MAP3K4: variants seen among roughly 807,000 people sequenced by gnomAD.
MAP3K4 encodes the protein mitogen-activated protein kinase kinase kinase 4, also known as MAP three kinase 1.
Under a neutral mutation model 185.6 loss-of-function variants are expected in MAP3K4, and 67 were observed. That is an observed-to-expected ratio of 0.36 (90% CI 0.30 to 0.44). MAP3K4 has a LOEUF of 0.44. Ranked by LOEUF, MAP3K4 falls within the 20% of genes least tolerant of loss-of-function variation. MAP3K4 has a pLI of 1.00. For missense variants in MAP3K4, 1,551 were observed against 1,995.1 expected, an observed-to-expected ratio of 0.78 and a Z score of 4.24; for synonymous variants, 702 against 710.4, an observed-to-expected ratio of 0.99 and a Z score of 0.19.
intron 1 of MAP3K4, among the ~76,000 whole-genome samples, chr6:161,000,440 C>G (rs74783987): frequency 6.6e-6 from 1 of 152,224 alleles, no homozygotes; most frequent in East Asian, 1.9e-4. Context: ...CATTGTTACC[C>G]GAAGGCAAGA....
intron 1 of MAP3K4, among the ~76,000 whole-genome samples, chr6:161,032,749 T>C (rs1782989060): frequency 1.3e-5 from 2 of 152,216 alleles, no homozygotes; most frequent in African/African-American, 4.8e-5. Context: ...AAGATTACAC[T>C]TTATTGTGTG....
chr6:161,016,330 T>C (rs1292370509), intron 1 of MAP3K4, among the ~76,000 whole-genome samples: 18 of 152,234 alleles, frequency 1.2e-4, no homozygotes, highest in Admixed American at 1.1e-3. Flanking sequence ...TGATTGTGTC[T>C]TTTGCATAAA....
rs927739534 is a variant in MAP3K4 at position 161,008,937 on chromosome 6, C to A, written c.152+16854C>A. Among the ~76,000 whole-genome samples the A allele has an allele frequency of 6.6e-6, 1 of 151,622 alleles. No individual in the cohort carries two copies. Among genetic ancestry groups the A allele is most frequent in the Non-Finnish European group, 1.5e-5 (1 of 67,936 alleles). On this transcript the variant is annotated intron_variant, in intron 1 of 26. Coordinates refer to ENST00000392142, the MANE Select transcript of MAP3K4 (RefSeq NM_005922.4). The surrounding 1 kb of genome is among the most constrained non-coding windows in gnomAD (Gnocchi z 4.1). ...TTGCTCAATGGGTATAATGTTTATACCCATTGTATAAATGTATCATGGCAT... is the reference window on the plus strand; with the variant it reads ...TTGCTCAATGGGTATAATGTTTATAACCATTGTATAAATGTATCATGGCAT...
intron 5 of MAP3K4, among the ~76,000 whole-genome samples, chr6:161,079,599 A>C (rs982498311): frequency 2.6e-5 from 4 of 152,222 alleles, no homozygotes; most frequent in Admixed American, 2.6e-4. Context: ...AAAAAGAAAA[A>C]GACAGATAGT....
rs1678254704 is a variant in MAP3K4 at position 161,110,632 on chromosome 6, T to C, written c.4396+718T>C. Reference sequence around the variant, plus strand: ...CTGAGGCTAACCTAAACACATTAACTTAGGAACCGACCTGACTTCTGACCA... The same window carrying C: ...CTGAGGCTAACCTAAACACATTAACCTAGGAACCGACCTGACTTCTGACCA... On this transcript the variant is annotated intron_variant, in intron 23 of 26. Transcript: ENST00000392142. The surrounding 1 kb of genome is among the most constrained non-coding windows in gnomAD (Gnocchi z 4.8). 6.6e-6 allele frequency among the ~76,000 whole-genome samples: 1 copy of C among 152,170 alleles called. No homozygotes were observed. Among genetic ancestry groups the C allele is most frequent in the African/African-American group, 2.4e-5 (1 of 41,428 alleles).
intron 2 of MAP3K4, among the ~76,000 whole-genome samples, chr6:161,047,722 T>A (rs74781111): frequency 6.6e-6 from 1 of 152,106 alleles, no homozygotes; most frequent in Non-Finnish European, 1.5e-5. Flanking sequence ...AGGGACTAAC[T>A]TAAGGAAGTG....
At chr6:161,102,610 C>A (rs1777884656) in intron 18 of MAP3K4, 89 bp from the exon 19 acceptor site, 2 of 813,652 alleles carry the variant, frequency 2.5e-6, no homozygotes, top group Non-Finnish European at 3.7e-6. Context: ...AAACAGGTTG[C>A]TTTTAACCAT....
At chr6:161,062,721 T>G (rs1337450290) in intron 3 of MAP3K4, among the ~76,000 whole-genome samples, 2 of 152,254 alleles carry the variant, frequency 1.3e-5, no homozygotes, top group Non-Finnish European at 2.9e-5. Flanking sequence ...GATGACAATG[T>G]GATTTTTTGT....
intron 1 of MAP3K4, among the ~76,000 whole-genome samples, chr6:161,010,101 G>T (rs1287743131): frequency 2.0e-5 from 3 of 152,158 alleles, no homozygotes; most frequent in Non-Finnish European, 4.4e-5. Flanking sequence ...ATGTCACTCA[G>T]CTATTTACAT....
chr6:161,097,006 A>G lies in MAP3K4; in HGVS notation c.3428-74A>G. On this transcript the variant is annotated intron_variant, in intron 15 of 26. Transcript: ENST00000392142. The surrounding 1 kb of genome is among the most constrained non-coding windows in gnomAD (Gnocchi z 4.9). The stretch of plus-strand genomic sequence containing the variant: ...CAGAATAAGTGACATTCTATTTTCC[A>G]TTTGACTGTTTGGTTTGATGATTTT... 2 of 1,239,190 alleles carry G rather than the reference A, an allele frequency of 1.6e-6. No homozygotes were observed. The allele number at this position is 1,239,190 out of a possible 1,614,324, so 76.8% of individuals were successfully genotyped here. A position where few individuals can be genotyped will look rare whatever the true frequency, so the allele number is the denominator to read the frequency against.
chr6:161,000,193 C>T (rs911282955), intron 1 of MAP3K4, among the ~76,000 whole-genome samples: 2 of 152,162 alleles, frequency 1.3e-5, no homozygotes, highest in African/African-American at 4.8e-5. Flanking sequence ...TCAAATAATT[C>T]TTATTCTGTT....
At chr6:161,052,677 GAT>G in intron 3 of MAP3K4, among the ~76,000 whole-genome samples, 1 of 152,100 alleles carries the variant, frequency 6.6e-6, no homozygotes, top group Non-Finnish European at 1.5e-5. Flanking sequence ...GGGAAAGTAA[GAT>G]TTTATTTTTA....
At chr6:161,032,580 A>G (rs758578217) in intron 1 of MAP3K4, among the ~76,000 whole-genome samples, 3 of 152,236 alleles carry the variant, frequency 2.0e-5, no homozygotes, top group Non-Finnish European at 2.9e-5. Flanking sequence ...CACCAAGGCT[A>G]TGCTGCTTTT....
chr6:160,995,961 T>TA (rs1780970361), intron 1 of MAP3K4, among the ~76,000 whole-genome samples: 1 of 152,226 alleles, frequency 6.6e-6, no homozygotes, highest in African/African-American at 2.4e-5. Context: ...TAACTTTTTT[T>TA]AAAAAATGAA....
chr6:161,097,701 C>G lies in MAP3K4; in HGVS notation c.3524+525C>G, dbSNP rs540559330. On this transcript the variant is annotated intron_variant, in intron 16 of 26. Transcript: ENST00000392142. This position sits in a 1 kb window ranked among gnomAD's most constrained non-coding sequence, Gnocchi z 4.9. ...TTTCTGCATCTTGAGGTAGTGAGCA[C>G]CTTCTCTCGCCTGTATAATCAGTTT... Among the ~76,000 whole-genome samples, 1 of 152,160 alleles carries G rather than the reference C, an allele frequency of 6.6e-6. No individual in the cohort carries two copies. Among genetic ancestry groups the G allele is most frequent in the Non-Finnish European group, 1.5e-5 (1 of 68,020 alleles).
chr6:161,115,188 A>G lies in MAP3K4; in HGVS notation c.4692A>G (p.Pro1564=). The G allele has an allele frequency of 1.2e-6, 2 of 1,614,176 alleles. No homozygotes were observed. The highest frequency in any genetic ancestry group is 1.7e-6 in the Non-Finnish European group (2 of 1,179,996). The change falls in exon 26 of 27, where the codon CCA becomes CCG. Residue 1564 remains proline, a synonymous_variant. Coordinates refer to ENST00000392142, the MANE Select transcript of MAP3K4 (RefSeq NM_005922.4). The surrounding 1 kb of genome is among the most constrained non-coding windows in gnomAD (Gnocchi z 6.0). The part of the protein sequence containing the change: ...IMYKVGMGHK[P]PIPERLSPEG... The stretch of plus-strand genomic sequence containing the variant: ...ATAAAGTGGGGATGGGACATAAGCC[A>G]CCAATCCCTGAAAGATTAAGCCCTG...
At chr6:161,045,557 CT>C (rs1460482296) in intron 2 of MAP3K4, among the ~76,000 whole-genome samples, 4 of 152,082 alleles carry the variant, frequency 2.6e-5, no homozygotes, top group Non-Finnish European at 5.9e-5. Context: ...TGTTTTGCCC[CT>C]GGTAAGTGTA....
rs959038902 is a variant in MAP3K4 at position 161,049,680 on chromosome 6, A to C, written c.1408A>C (p.Arg470=). 1 of 1,614,132 alleles carries C rather than the reference A, an allele frequency of 6.2e-7. No homozygotes were observed. Residue 470 remains arginine (R), a synonymous_variant, in exon 3 of 27, where the codon AGG becomes CGG. Transcript: ENST00000392142. The surrounding 1 kb of genome is among the most constrained non-coding windows in gnomAD (Gnocchi z 8.4). ...ESEEEQISDP[R]VPEIRQPIDN... Reference sequence around the variant, plus strand: ...TGAAGAAGAACAAATCTCTGATCCTAGGGTACCGGAAATCAGACAGCCCAT... The same window carrying C: ...TGAAGAAGAACAAATCTCTGATCCTCGGGTACCGGAAATCAGACAGCCCAT...
intron 2 of MAP3K4, among the ~76,000 whole-genome samples, chr6:161,040,004 A>G (rs374029708): frequency 3.3e-4 from 50 of 152,266 alleles, no homozygotes; most frequent in African/African-American, 1.1e-3. Context: ...TTAGATACCT[A>G]GTGGTGGAAT....
Sources: allele counts gnomAD v4.1 joint callset (sites outside exome capture counted in the v4.1 genomes callset), GRCh38; gene constraint gnomAD v4.1.1; non-coding constraint Gnocchi (gnomAD v3.1); transcripts MANE v1.5; gene names NCBI Gene and HGNC (gene_info 2026-07-23, HGNC 2026-07-21).